The following DMRT2 variants were observed in gnomAD, a reference collection of about 807,000 sequenced individuals.
The protein encoded by DMRT2 is doublesex- and mab-3-related transcription factor 2.
DMRT2 carries 33 observed loss-of-function variants against 43.5 expected under a neutral mutation model. That is an observed-to-expected ratio of 0.76 (90% CI 0.58 to 1.01). The LOEUF (loss-of-function observed/expected upper bound fraction) is 1.01, where lower values mean the gene tolerates loss of function less well. DMRT2 is among the 50% of genes least tolerant of loss of function. The pLI is 0.00. For missense variants in DMRT2, 1,064 were observed against 748.0 expected (o/e 1.42, Z -4.93); for synonymous variants, 395 against 309.2 (o/e 1.28, Z -2.91).
rs779299775 is a variant in DMRT2, at chr9:1,056,625, G to T, written c.1038G>T (p.Lys346Asn). ...CCTCAAGATTTTTAGTTTGGCCCAAGTGTGGCCCCATTAGCGACACCCTCC... is the reference window on the plus strand; with the variant it reads ...CCTCAAGATTTTTAGTTTGGCCCAATTGTGGCCCCATTAGCGACACCCTCC... ...PLSSRFLVWP[K>N]CGPISDTLLY... Residue 346 changes from lysine (K) to asparagine (N), a missense_variant, in exon 4 of 4, where the codon AAG (lysine) becomes AAT (asparagine). By Grantham distance (94) the Lys-to-Asn change is moderately conservative. Transcript: ENST00000358146. 6.2e-7 allele frequency: 1 copy of T among 1,614,186 alleles called. No homozygotes were observed. The highest frequency in any genetic ancestry group is 1.1e-5 in the South Asian group (1 of 91,078).
At chr9:1,055,097 A>G (rs1821881605) in intron 3 of DMRT2, among the ~76,000 whole-genome samples, 1 of 152,236 alleles carries the variant, frequency 6.6e-6, no homozygotes, top group South Asian at 2.1e-4. Flanking sequence ...AACTGAGATT[A>G]TGCAAAGCAA....
intron 3 of DMRT2, chr9:1,055,965 C>A: frequency 1.4e-6 from 2 of 1,396,198 alleles, no homozygotes; most frequent in East Asian, 2.7e-5. Flanking sequence ...GCAAACAAAT[C>A]CATAACAACC....
At chr9:1,056,100 A>G (rs1821964369) in intron 3 of DMRT2, 116 bp from the exon 4 acceptor site, 6 of 1,500,610 alleles carry the variant, frequency 4.0e-6, no homozygotes, top group South Asian at 1.4e-5. Context: ...TATCAGTGAG[A>G]TGGAACTGTA....
At chr9:1,055,660 C>CT (rs537878305) in intron 3 of DMRT2, 148 of 1,401,262 alleles carry the variant, frequency 1.1e-4, no homozygotes, top group South Asian at 6.9e-4. Context: ...TTTCTTAAGC[C>CT]TTTTTTTTCT....
At chr9:1,053,198 A>G (rs1036485527) in intron 2 of DMRT2, 1 of 152,450 alleles carries the variant, frequency 6.6e-6, no homozygotes, top group African/African-American at 2.4e-5. Flanking sequence ...CAAAGCGCAA[A>G]TTTGGAGTTT....
intron 3 of DMRT2, 65 bp downstream of exon 3, chr9:1,053,889 A>G (rs1015823811): frequency 1.5e-6 from 2 of 1,370,772 alleles, no homozygotes; most frequent in Non-Finnish European, 1.0e-6. Flanking sequence ...TAATCAGCAC[A>G]AAGTGTGTTT....
rs571259414 is a variant in DMRT2, at chr9:1,051,564, C to T, written c.-44-6C>T. The T allele has an allele frequency of 5.5e-6, 8 of 1,466,118 alleles. No individual in the cohort carries two copies. Among genetic ancestry groups the T allele is most frequent in the East Asian group, 2.7e-5 (1 of 37,166 alleles). The allele number at this position is 1,466,118 out of a possible 1,614,324, so 90.8% of individuals were successfully genotyped here. A position where few individuals can be genotyped will look rare whatever the true frequency, so the allele number is the denominator to read the frequency against. On this transcript the variant is annotated splice_region_variant and splice_polypyrimidine_tract_variant and intron_variant, in intron 1 of 3. Coordinates refer to ENST00000358146, the MANE Select transcript of DMRT2 (RefSeq NM_181872.6). This position sits in a 1 kb window ranked among gnomAD's most constrained non-coding sequence, Gnocchi z 5.9. ...TGGGTCTTTGGATTTCTTTGTGTTTCCCCAGAGTGAGGGCCGCCAGGCTCA... is the reference window on the plus strand; with the variant it reads ...TGGGTCTTTGGATTTCTTTGTGTTTTCCCAGAGTGAGGGCCGCCAGGCTCA...
chr9:1,052,196 G>C, intron 2 of DMRT2, 58 bp downstream of exon 2: 1 of 1,288,276 alleles, frequency 7.8e-7, no homozygotes, highest in Non-Finnish European at 9.9e-7. Flanking sequence ...GGAGTTGGAG[G>C]GGAGCGGGGC....
chr9:1,056,972 A>C lies in DMRT2; in HGVS notation c.1385A>C (p.His462Pro). Residue 462 changes from histidine to proline, a missense_variant, in exon 4 of 4, where the codon CAC becomes CCC. Physicochemically the swap from His to Pro is moderately conservative, Grantham distance 77. Coordinates refer to ENST00000358146, the MANE Select transcript of DMRT2 (RefSeq NM_181872.6). ...LTKISKENTRHPLPLRHNPFH... is the reference protein window; with the variant it reads ...LTKISKENTRPPLPLRHNPFH... ...AAGATCAGCAAAGAAAACACCAGGCACCCTCTGCCACTTAGACATAATCCA... is the reference window on the plus strand; with the variant it reads ...AAGATCAGCAAAGAAAACACCAGGCCCCCTCTGCCACTTAGACATAATCCA... The C allele has an allele frequency of 6.2e-7, 1 of 1,614,112 alleles. No individual in the cohort carries two copies. Among genetic ancestry groups the C allele is most frequent in the Non-Finnish European group, 8.5e-7 (1 of 1,180,034 alleles).
intron 3 of DMRT2, chr9:1,055,996 G>GAAC: frequency 7.1e-7 from 1 of 1,411,584 alleles, no homozygotes; most frequent in Non-Finnish European, 9.2e-7. Context: ...ACAAGAACAA[G>GAAC]AACAACAACA....
In DMRT2 at chr9:1,051,424, G is replaced by A. The variant is rs1821565116; in HGVS notation, c.-44-146G>A. Reference sequence around the variant, plus strand: ...GGCCCTGGAGATACAGGAAAGGCACGTGTGGCCTGGAAGTGAGGGACATGT... The same window carrying A: ...GGCCCTGGAGATACAGGAAAGGCACATGTGGCCTGGAAGTGAGGGACATGT... On this transcript the variant is annotated intron_variant, in intron 1 of 3. Transcript: ENST00000358146. This position sits in a 1 kb window ranked among gnomAD's most constrained non-coding sequence, Gnocchi z 5.9. 2 of 913,816 alleles carry A rather than the reference G, an allele frequency of 2.2e-6. No homozygotes were observed. The highest frequency in any genetic ancestry group is 3.0e-6 in the Non-Finnish European group (2 of 665,652). 56.6% of individuals were successfully genotyped at this position (913,816 alleles called of 1,614,324 possible).
rs1822023739 is a variant in DMRT2, at chr9:1,056,762, A to G, written c.1175A>G (p.Asp392Gly). The G allele has an allele frequency of 1.9e-6, 3 of 1,614,022 alleles. No homozygotes were observed. The highest frequency in any genetic ancestry group is 1.7e-5 in the Admixed American group (1 of 59,998). Residue 392 changes from aspartate to glycine, a missense_variant, in exon 4 of 4, where the codon GAC becomes GGC. Coordinates refer to ENST00000358146, the MANE Select transcript of DMRT2 (RefSeq NM_181872.6). ...RVQDGLSAEQ[D>G]MMPSKLEGSL... ...CAGGATGGACTCAGTGCAGAGCAGG[A>G]CATGATGCCATCGAAATTGGAAGGT...
Position 1,051,149 on chromosome 9 carries a change from G to A in DMRT2, c.-45+374G>A, listed in dbSNP as rs1821541184. On this transcript the variant is annotated intron_variant, in intron 1 of 3. Coordinates refer to ENST00000358146, the MANE Select transcript of DMRT2 (RefSeq NM_181872.6). The surrounding 1 kb of genome is among the most constrained non-coding windows in gnomAD (Gnocchi z 5.9). ...TCTGAAGGGCCACTTGTAATCAAAG[G>A]AAAACTGTTCTTCCACGGATAGTTT... 6.6e-6 allele frequency among the ~76,000 whole-genome samples: 1 copy of A among 152,144 alleles called. No homozygotes were observed. Among genetic ancestry groups the A allele is most frequent in the Admixed American group, 6.5e-5 (1 of 15,280 alleles).
At position 1,055,100 on chromosome 9, in the gene DMRT2, C is replaced by T. The variant is rs566548764; in HGVS notation, c.629-1116C>T. Among the ~76,000 whole-genome samples the T allele has an allele frequency of 5.6e-4, 85 of 152,262 alleles. 1 individual carries two copies. Among genetic ancestry groups the T allele is most frequent in the African/African-American group, 1.9e-3 (78 of 41,542 alleles). On this transcript the variant is annotated intron_variant, in intron 3 of 3. Coordinates refer to ENST00000358146, the MANE Select transcript of DMRT2 (RefSeq NM_181872.6). ...GCCACATTGATAAACTGAGATTATG[C>T]AAAGCAACTTGTGAAGTCTGAGGAC...
At position 1,056,525 on chromosome 9, in the gene DMRT2, A is replaced by G. The variant is rs1424262601; in HGVS notation, c.938A>G (p.Tyr313Cys). The G allele has an allele frequency of 1.9e-6, 3 of 1,614,204 alleles. No individual in the cohort carries two copies. In the African/African-American group the frequency reaches 4.0e-5, roughly 22 times the overall value. ...LPTCLDLTMQYSGSGNMELIS... is the reference protein window; with the variant it reads ...LPTCLDLTMQCSGSGNMELIS... ...ACCTGCCTTGATTTAACCATGCAGT[A>G]TTCAGGGTCTGGGAATATGGAACTA... Residue 313 changes from tyrosine (Y) to cysteine (C), a missense_variant, in exon 4 of 4, where the codon TAT becomes TGT. By Grantham distance (194) the Tyr-to-Cys change is radical (BLOSUM62 -2). Transcript: ENST00000358146.
chr9:1,051,682 A>G lies in DMRT2; in HGVS notation c.69A>G (p.Glu23=). ...TCGATGTCGAGAGCCTGGAGCTGGA[A>G]GAGGACGTCTGCGGGGCGCCGCGGT... The part of the protein sequence containing the change: ...WEIDVESLEL[E]EDVCGAPRST... The change falls in exon 2 of 4, where the codon GAA becomes GAG. Residue 23 remains glutamate, a synonymous_variant. Coordinates refer to ENST00000358146, the MANE Select transcript of DMRT2 (RefSeq NM_181872.6). The surrounding 1 kb of genome is among the most constrained non-coding windows in gnomAD (Gnocchi z 5.9). 1 of 1,567,944 alleles carries G rather than the reference A, an allele frequency of 6.4e-7. No individual in the cohort carries two copies. The highest frequency in any genetic ancestry group is 1.1e-5 in the South Asian group (1 of 86,994).
Position 1,057,257 on chromosome 9 carries a change from C to G in DMRT2, c.1670C>G (p.Thr557Ser), listed in dbSNP as rs771650790. 3.1e-6 allele frequency: 5 copies of G among 1,610,132 alleles called. No individual in the cohort carries two copies. Among genetic ancestry groups the G allele is most frequent in the Admixed American group, 3.4e-5 (2 of 59,190 alleles). The change falls in exon 4 of 4, where the codon ACT becomes AGT. Residue 557 changes from threonine (T) to serine (S), a missense_variant. Physicochemically the swap from Thr to Ser is moderately conservative, Grantham distance 58 (BLOSUM62 1). Transcript: ENST00000358146. Reference protein sequence around the residue: ...SILKRPSSAITRVSQ With the variant: ...SILKRPSSAISRVSQ ...CTTAAGAGGCCTTCATCTGCCATCA[C>G]TCGTGTCTCTCAGTGAAAGGCTGCT...
Position 1,051,920 on chromosome 9 carries a change from G to C in DMRT2, c.307G>C (p.Glu103Gln). The C allele has an allele frequency of 7.3e-7, 1 of 1,363,866 alleles. No individual in the cohort carries two copies. Among genetic ancestry groups the C allele is most frequent in the Middle Eastern group, 2.7e-4 (1 of 3,722 alleles). The allele number at this position is 1,363,866 out of a possible 1,614,324, so 84.5% of individuals were successfully genotyped here. ...CTCACCCGCCGGCACCGGTCCCCGA[G>C]AGCGCTGCACTCCCGCGGGCGGCGG... ...QASPAGTGPR[E>Q]RCTPAGGGAE... is the part of the protein sequence containing the mutation. The change falls in exon 2 of 4, where the codon GAG becomes CAG. Residue 103 changes from glutamate to glutamine, a missense_variant. Physicochemically the swap from Glu to Gln is conservative, Grantham distance 29. Coordinates refer to ENST00000358146, the MANE Select transcript of DMRT2 (RefSeq NM_181872.6). The surrounding 1 kb of genome is among the most constrained non-coding windows in gnomAD (Gnocchi z 5.9).
intron 2 of DMRT2, among the ~76,000 whole-genome samples, chr9:1,053,389 C>A (rs530734340): frequency 6.6e-6 from 1 of 152,194 alleles, no homozygotes; most frequent in African/African-American, 2.4e-5. Flanking sequence ...GTCGGGTGCC[C>A]CCCTGAAAGG....
Sources: gnomAD v4.1 joint callset for allele counts (sites outside exome capture counted in the v4.1 genomes callset) on GRCh38, gnomAD v4.1.1 for gene constraint, Gnocchi (gnomAD v3.1) non-coding constraint, MANE v1.5 for transcripts, NCBI Gene and HGNC (gene_info 2026-07-23, HGNC 2026-07-21) for gene names.